Variants in ZFAT observed in about 807,000 individuals in gnomAD.
The protein encoded by ZFAT is zinc finger and AT-hook domain containing, also known as zinc finger protein ZFAT.
Under a neutral mutation model 117.7 loss-of-function variants are expected in ZFAT, and 64 were observed. The ratio of observed to expected loss-of-function variants is 0.54; its 90% confidence interval spans 0.44 to 0.67. The LOEUF is 0.67. Among genes scored for constraint, ZFAT ranks in the 30% least tolerant of loss-of-function variants. ZFAT has a pLI of 0.00. For synonymous variants in ZFAT, 679 were observed against 615.0 expected, an observed-to-expected ratio of 1.10 and a Z score of -1.54; for missense variants, 1,433 against 1,584.5, an observed-to-expected ratio of 0.90 and a Z score of 1.62.
the ZFAT span, among the ~76,000 whole-genome samples, chr8:134,735,741 G>C: frequency 6.6e-6 from 1 of 152,098 alleles, no homozygotes; most frequent in Non-Finnish European, 1.5e-5. Flanking sequence ...CTCTAATAGA[G>C]ATTTAAATGC....
intron 3 of ZFAT, among the ~76,000 whole-genome samples, chr8:134,619,146 G>A (rs1369065040): frequency 3.3e-5 from 5 of 151,998 alleles, no homozygotes; most frequent in Admixed American, 1.3e-4. Context: ...CACCTAACCT[G>A]CCAAATATCA....
At chr8:134,621,669 G>A (rs1411575375) in intron 3 of ZFAT, among the ~76,000 whole-genome samples, 1 of 151,964 alleles carries the variant, frequency 6.6e-6, no homozygotes, top group Non-Finnish European at 1.5e-5. Context: ...CTGCTTTTTA[G>A]GCAATCTCAA....
the ZFAT span, among the ~76,000 whole-genome samples, chr8:134,815,272 C>G: frequency 6.6e-6 from 1 of 152,142 alleles, no homozygotes; most frequent in Non-Finnish European, 1.5e-5. Context: ...TCTATAATTG[C>G]ATAACAAGTC....
chr8:134,729,421 T>TTG, the ZFAT span, among the ~76,000 whole-genome samples: 1 of 152,232 alleles, frequency 6.6e-6, no homozygotes, highest in Non-Finnish European at 1.5e-5. Flanking sequence ...AAGCTCTGCC[T>TTG]CCCAGGTTCA....
At chr8:134,657,797 C>T in intron 1 of ZFAT, 60 bp from the exon 2 acceptor site, 2 of 1,550,634 alleles carry the variant, frequency 1.3e-6, no homozygotes, top group Non-Finnish European at 1.8e-6. Context: ...TTATTACTTC[C>T]AATTGCCAAA....
the ZFAT span, chr8:134,795,852 G>A: frequency 6.6e-6 from 1 of 152,266 alleles, no homozygotes; most frequent in Admixed American, 6.5e-5. Flanking sequence ...TGCTTTGGGA[G>A]AGACAGGATT....
intron 12 of ZFAT, among the ~76,000 whole-genome samples, chr8:134,529,808 A>C (rs1025631353): frequency 2.6e-5 from 4 of 152,228 alleles, no homozygotes; most frequent in Non-Finnish European, 4.4e-5. Flanking sequence ...AAATTCTACA[A>C]GTCATGTTTC....
intron 5 of ZFAT, 62 bp from the exon 6 acceptor site, chr8:134,602,995 A>T: frequency 1.3e-6 from 2 of 1,539,204 alleles, no homozygotes; most frequent in Non-Finnish European, 1.7e-6. Flanking sequence ...TGAACTCTAC[A>T]TCCTTTTCAT....
chr8:134,576,746 A>G (rs1825333450), intron 10 of ZFAT, among the ~76,000 whole-genome samples: 1 of 152,218 alleles, frequency 6.6e-6, no homozygotes, highest in South Asian at 2.1e-4. Context: ...CTCTTATCAT[A>G]AATTGAAGAA....
In ZFAT at chr8:134,531,453, T is replaced by C. The variant is rs1259599336; in HGVS notation, c.3115+1381A>G. Among the ~76,000 whole-genome samples the C allele has an allele frequency of 3.9e-5, 6 of 152,154 alleles. No homozygotes were observed. The East Asian group carries it at 1.2e-3, about 29-fold the overall frequency. On this transcript the variant is annotated intron_variant, in intron 12 of 15. Transcript: ENST00000377838. ...CGATGGCTCCACAATTCCTAGATGT[T>C]CCGAAAAAAATATACAAAAGCAAGG...
At chr8:134,731,421 A>C in the ZFAT span, among the ~76,000 whole-genome samples, 80 of 152,316 alleles carry the variant, frequency 5.3e-4, 1 homozygote, top group East Asian at 0.013. Context: ...AAATCAGGAG[A>C]CTTTTTCTGT....
upstream of ZFAT, among the ~76,000 whole-genome samples, chr8:134,715,783 A>T (rs1344471697): frequency 6.6e-6 from 1 of 152,224 alleles, no homozygotes; most frequent in East Asian, 1.9e-4. Context: ...ATGAAATGGT[A>T]TTTAGTTATA....
chr8:134,567,228 A>T (rs1780099522), intron 10 of ZFAT, among the ~76,000 whole-genome samples: 1 of 152,126 alleles, frequency 6.6e-6, no homozygotes, highest in South Asian at 2.1e-4. Flanking sequence ...CATCCATCTG[A>T]TCACCTACAT....
chr8:134,608,020 T>G (rs1051783403), intron 5 of ZFAT, among the ~76,000 whole-genome samples: 1 of 152,166 alleles, frequency 6.6e-6, no homozygotes, highest in Admixed American at 6.5e-5. Context: ...ACCAAAACAT[T>G]AATCACTGCA....
intron 14 of ZFAT, among the ~76,000 whole-genome samples, chr8:134,511,942 C>A (rs1267286503): frequency 6.6e-6 from 1 of 152,170 alleles, no homozygotes; most frequent in African/African-American, 2.4e-5. Flanking sequence ...CTCTCTACCA[C>A]CCACTGAGCC....
intron 6 of ZFAT, among the ~76,000 whole-genome samples, chr8:134,601,036 G>A (rs1351581145): frequency 6.6e-6 from 1 of 152,172 alleles, no homozygotes; most frequent in Non-Finnish European, 1.5e-5. Flanking sequence ...CTGACCACCA[G>A]CTCCCCAGGA....
rs955749837 is a variant in ZFAT at position 134,712,778 on chromosome 8, G to T, written c.19+67C>A. The T allele has an allele frequency of 2.3e-5, 33 of 1,413,482 alleles. No individual in the cohort carries two copies. In the African/African-American group the frequency reaches 3.6e-4, roughly 15 times the overall value. 87.6% of individuals were successfully genotyped at this position (1,413,482 alleles called of 1,614,324 possible). On this transcript the variant is annotated intron_variant, in intron 1 of 15. Coordinates refer to ENST00000377838, the MANE Select transcript of ZFAT (RefSeq NM_020863.4). ...TGCTTCCCGACTCGACGCTCGAAACGGCTTTCCGCGCGCCGCGCCGCGCCC... is the reference window on the plus strand; with the variant it reads ...TGCTTCCCGACTCGACGCTCGAAACTGCTTTCCGCGCGCCGCGCCGCGCCC...
chr8:134,623,448 A>G (rs1445484808), intron 3 of ZFAT, among the ~76,000 whole-genome samples: 1 of 152,172 alleles, frequency 6.6e-6, no homozygotes, highest in African/African-American at 2.4e-5. Context: ...GATATCCTGC[A>G]GTCCCCAGAT....
intron 1 of ZFAT, among the ~76,000 whole-genome samples, chr8:134,702,100 C>T (rs994061581): frequency 3.9e-5 from 6 of 152,174 alleles, no homozygotes; most frequent in Admixed American, 1.3e-4. Context: ...CACCTTGGGA[C>T]TCTTCAAAAA....
Sources: allele counts gnomAD v4.1 joint callset (sites outside exome capture counted in the v4.1 genomes callset), GRCh38; gene constraint gnomAD v4.1.1; transcripts MANE v1.5; gene names NCBI Gene and HGNC (gene_info 2026-07-23, HGNC 2026-07-21).